CSNK1E: variants seen among roughly 807,000 people sequenced by gnomAD.
CSNK1E encodes the protein casein kinase I isoform epsilon.
In CSNK1E, 17 loss-of-function variants were observed where a neutral mutation model predicts 46.1. That is an observed-to-expected ratio of 0.37 (90% CI 0.25 to 0.55). The LOEUF (loss-of-function observed/expected upper bound fraction) is 0.55. CSNK1E is among the 20% of genes least tolerant of loss of function. CSNK1E has a pLI of 0.82. For missense variants in CSNK1E, 386 were observed against 595.4 expected, an observed-to-expected ratio of 0.65 and a Z score of 3.66; for synonymous variants, 241 against 242.6, an observed-to-expected ratio of 0.99 and a Z score of 0.06.
chr22:38,294,448 C>T lies in CSNK1E; in HGVS notation c.972G>A (p.Ala324=), dbSNP rs745786078. The T allele has an allele frequency of 5.3e-5, 84 of 1,573,362 alleles. No individual in the cohort carries two copies. The highest frequency in any genetic ancestry group is 1.1e-4 in the Admixed American group (6 of 54,970). Reference sequence around the variant, plus strand: ...GTGGGCCAGGGGGCAGGGCTCGGGTCGCGGACCCCCGTAGCTGCCCCATCC... The same window carrying T: ...GTGGGCCAGGGGGCAGGGCTCGGGTTGCGGACCCCCGTAGCTGCCCCATCC... ...EERMGQLRGS[A]TRALPPGPPT... Residue 324 remains alanine, a synonymous_variant, in exon 8 of 11, where the codon GCG becomes GCA. Transcript: ENST00000396832. The surrounding 1 kb of genome is among the most constrained non-coding windows in gnomAD (Gnocchi z 5.5).
intron 7 of CSNK1E, chr22:38,296,880 T>C: frequency 3.1e-6 from 2 of 651,196 alleles, no homozygotes; most frequent in Non-Finnish European, 2.6e-6. Context: ...GTTCAAGCGA[T>C]TCTCCTGCCT....
At chr22:38,299,437 C>T (rs2145834191) in intron 6 of CSNK1E, among the ~76,000 whole-genome samples, 1 of 152,348 alleles carries the variant, frequency 6.6e-6, no homozygotes, top group South Asian at 2.1e-4. Flanking sequence ...GACAGGGAAA[C>T]CGGGCCTTCT....
At position 38,309,340 on chromosome 22, in the gene CSNK1E, C is replaced by T. The variant is rs984339201; in HGVS notation, c.76+4742G>A. ...GACACTTTGGAGGCAGGGCCTGCAG[C>T]ACTTGGTGATTCGGCAGATGTGTGC... On this transcript the variant is annotated intron_variant, in intron 2 of 10. Transcript: ENST00000396832. The surrounding 1 kb of genome is among the most constrained non-coding windows in gnomAD (Gnocchi z 4.8). Among the ~76,000 whole-genome samples the T allele has an allele frequency of 6.6e-6, 1 of 152,200 alleles. No homozygotes were observed. Among genetic ancestry groups the T allele is most frequent in the African/African-American group, 2.4e-5 (1 of 41,454 alleles).
At chr22:38,313,228 G>T (rs564363431) in intron 2 of CSNK1E, among the ~76,000 whole-genome samples, 1 of 152,180 alleles carries the variant, frequency 6.6e-6, no homozygotes, top group Non-Finnish European at 1.5e-5. Flanking sequence ...TCCAAGGAGG[G>T]TAACCAAGGC....
intron 10 of CSNK1E, chr22:38,292,192 G>C (rs1364855510): frequency 6.6e-6 from 1 of 151,948 alleles, no homozygotes; most frequent in African/African-American, 2.4e-5. Context: ...TCACCATGTT[G>C]GCCAGGCTGG....
chr22:38,297,512 G>T, intron 7 of CSNK1E: 1 of 966,868 alleles, frequency 1.0e-6, no homozygotes, highest in Non-Finnish European at 1.3e-6. Context: ...AGACCAATGT[G>T]CCGACCTTGG....
At chr22:38,292,990 A>G in intron 10 of CSNK1E, 1 of 505,882 alleles carries the variant, frequency 2.0e-6, no homozygotes, top group East Asian at 3.8e-5. Context: ...AGAAGGAGAT[A>G]GAGACCTGGC....
In CSNK1E at chr22:38,300,528, C is replaced by G. The variant is rs954507175; in HGVS notation, c.565+196G>C. Among the ~76,000 whole-genome samples the G allele has an allele frequency of 6.6e-6, 1 of 152,240 alleles. No homozygotes were observed. The highest frequency in any genetic ancestry group is 6.5e-5 in the Admixed American group (1 of 15,286). On this transcript the variant is annotated intron_variant, in intron 5 of 10. Transcript: ENST00000396832. This position sits in a 1 kb window ranked among gnomAD's most constrained non-coding sequence, Gnocchi z 4.4. ...CAGGGAAGGCGCCCGGCACACACAG[C>G]TTGGCTTACGAAGGGGAAGACCCGA...
Position 38,294,174 on chromosome 22 carries a change from G to T in CSNK1E, c.1153C>A (p.Pro385Thr). The change falls in exon 9 of 11, where the codon CCC (proline) becomes ACC (threonine). Residue 385 changes from proline to threonine, a missense_variant. Pro to Thr is a conservative substitution (Grantham distance 38, BLOSUM62 -1). Around this residue, in one of 2 missense-constraint regions of CSNK1E, gnomAD observed 174 missense variants for 185.2 expected, o/e 0.94. Transcript: ENST00000396832. The surrounding 1 kb of genome is among the most constrained non-coding windows in gnomAD (Gnocchi z 5.5). ...KVSMRLHRGA[P>T]ANVSSSDLTG... ...AGGTCTGAGGAGGAGACGTTGGCGG[G>T]CGCACCCCTGTGCAGCCTCATACTC... The T allele has an allele frequency of 6.2e-7, 1 of 1,612,250 alleles. No individual in the cohort carries two copies. Among genetic ancestry groups the T allele is most frequent in the Non-Finnish European group, 8.5e-7 (1 of 1,179,784 alleles).
chr22:38,315,846 C>A (rs889702291), intron 1 of CSNK1E, among the ~76,000 whole-genome samples: 2 of 152,062 alleles, frequency 1.3e-5, no homozygotes, highest in East Asian at 1.9e-4. Context: ...CTGCACATGA[C>A]CCCCCAGTCT....
Position 38,293,281 on chromosome 22 carries a change from C to A in CSNK1E, c.*6G>T. 6.2e-7 allele frequency: 1 copy of A among 1,613,022 alleles called. No individual in the cohort carries two copies. The highest frequency in any genetic ancestry group is 8.5e-7 in the Non-Finnish European group (1 of 1,179,720). On this transcript the variant is annotated 3_prime_UTR_variant, in exon 10 of 11. Coordinates refer to ENST00000396832, the MANE Select transcript of CSNK1E (RefSeq NM_152221.3). ...TAAGCAAACACTGGTCCAATGGGGGCTCTCCTCACTTCCCGAGATGGTCAA... is the reference window on the plus strand; with the variant it reads ...TAAGCAAACACTGGTCCAATGGGGGATCTCCTCACTTCCCGAGATGGTCAA...
At chr22:38,299,809 C>A in intron 6 of CSNK1E, 86 bp downstream of exon 6, 2 of 1,484,330 alleles carry the variant, frequency 1.3e-6, no homozygotes, top group South Asian at 1.3e-5. Flanking sequence ...CGCCTAGCCC[C>A]AGCGTGGGCT....
At chr22:38,297,618 G>A (rs1348647228) in intron 7 of CSNK1E, 1 of 995,028 alleles carries the variant, frequency 1.0e-6, no homozygotes, top group Non-Finnish European at 1.2e-6. Context: ...AAGAGGAGGT[G>A]TTTAATGAGT....
chr22:38,303,260 A>C lies in CSNK1E; in HGVS notation c.77-12T>G. The C allele has an allele frequency of 1.3e-6, 2 of 1,583,978 alleles. No individual in the cohort carries two copies. Among genetic ancestry groups the C allele is most frequent in the Non-Finnish European group, 8.6e-7 (1 of 1,165,954 alleles). On this transcript the variant is annotated splice_polypyrimidine_tract_variant and intron_variant, in intron 2 of 10. Transcript: ENST00000396832. This position sits in a 1 kb window ranked among gnomAD's most constrained non-coding sequence, Gnocchi z 4.7. ...GGCGATGTTGGCACCTGCCCGGGGC[A>C]GGGAGGCAAGGGACCAGGGTCACCC...
chr22:38,317,648 C>T, upstream of CSNK1E, among the ~76,000 whole-genome samples: 1 of 151,864 alleles, frequency 6.6e-6, no homozygotes, highest in East Asian at 1.9e-4. Context: ...TAATGCAGTC[C>T]AGGGCACAGG....
In CSNK1E at chr22:38,294,322, C is replaced by T. The variant is rs1257672325; in HGVS notation, c.1078+20G>A. 1.9e-6 allele frequency: 3 copies of T among 1,584,620 alleles called. No individual in the cohort carries two copies. ...CCCCACCCACCCTGAACCCAGCCCA[C>T]TGCCTGAGTCCCTGCTCACCAGCCG... On this transcript the variant is annotated intron_variant, in intron 8 of 10. Transcript: ENST00000396832. The surrounding 1 kb of genome is among the most constrained non-coding windows in gnomAD (Gnocchi z 5.5).
rs1046913231 is a variant in CSNK1E, at chr22:38,309,494, G to A, written c.76+4588C>T. ...TTTTTTGAGACAGCTTCACTTTGTC[G>A]CCTGGGCTGGAGTGCAGTGGCATGA... On this transcript the variant is annotated intron_variant, in intron 2 of 10. Transcript: ENST00000396832. This position sits in a 1 kb window ranked among gnomAD's most constrained non-coding sequence, Gnocchi z 4.8. 4.6e-5 allele frequency among the ~76,000 whole-genome samples: 7 copies of A among 151,538 alleles called. No individual in the cohort carries two copies. The highest frequency in any genetic ancestry group is 7.3e-5 in the African/African-American group (3 of 41,186).
At chr22:38,308,868 G>A (rs914229865) in intron 2 of CSNK1E, among the ~76,000 whole-genome samples, 5 of 152,150 alleles carry the variant, frequency 3.3e-5, no homozygotes, top group Admixed American at 2.0e-4. Flanking sequence ...CCATGGGGTG[G>A]CAGAAAAAGA....
Position 38,300,388 on chromosome 22 carries a change from G to A in CSNK1E, c.566-323C>T, listed in dbSNP as rs1044714683. On this transcript the variant is annotated intron_variant, in intron 5 of 10. Coordinates refer to ENST00000396832, the MANE Select transcript of CSNK1E (RefSeq NM_152221.3). This position sits in a 1 kb window ranked among gnomAD's most constrained non-coding sequence, Gnocchi z 4.4. ...ACAAGCTTCAGCATCAGACAGGGCC[G>A]GGGTCAAGTCCAGCTTTGGCATTAG... Among the ~76,000 whole-genome samples the A allele has an allele frequency of 6.6e-6, 1 of 152,156 alleles. No individual in the cohort carries two copies. The highest frequency in any genetic ancestry group is 1.5e-5 in the Non-Finnish European group (1 of 68,032).
Sources: gnomAD v4.1 joint callset for allele counts (sites outside exome capture counted in the v4.1 genomes callset) on GRCh38, gnomAD v4.1.1 for gene constraint, gnomAD v4.1.1 regional missense constraint, Gnocchi (gnomAD v3.1) non-coding constraint, MANE v1.5 for transcripts, NCBI Gene and HGNC (gene_info 2026-07-23, HGNC 2026-07-21) for gene names.